Variants in EPC1 observed in about 807,000 individuals in gnomAD.
The protein encoded by EPC1 is enhancer of polycomb homolog 1.
In EPC1, 12 loss-of-function variants were observed where a neutral mutation model predicts 98.4. That is an observed-to-expected ratio of 0.12 (90% CI 0.08 to 0.20). EPC1 has a LOEUF of 0.20. Among genes scored for constraint, EPC1 ranks in the 10% least tolerant of loss-of-function variants. The pLI is 1.00. For synonymous variants in EPC1, 357 were observed against 363.9 expected, an observed-to-expected ratio of 0.98 and a Z score of 0.21; for missense variants, 729 against 990.5, an observed-to-expected ratio of 0.74 and a Z score of 3.54.
chr10:32,364,119 A>G (rs1839528547), intron 1 of EPC1, among the ~76,000 whole-genome samples: 1 of 138,670 alleles, frequency 7.2e-6, no homozygotes, highest in South Asian at 2.3e-4. Context: ...GGTTCAAGTG[A>G]TTCTCCTGTC....
At chr10:32,347,311 C>T (rs1838915580), upstream of EPC1, 1 of 588,150 alleles carries the variant, frequency 1.7e-6, no homozygotes, top group South Asian at 7.7e-5. Context: ...GCTTCCCGCG[C>T]CTCGCTGCTC....
intron 6 of EPC1, among the ~76,000 whole-genome samples, chr10:32,288,312 C>CTTTTTTTT (rs5784278): frequency 4.4e-4 from 55 of 124,040 alleles, no homozygotes; most frequent in African/African-American, 5.5e-4. Context: ...TTACTTTTTT[C>CTTTTTTTT]TTTTTTTTTT....
chr10:32,323,225 C>G (rs1201152534), intron 1 of EPC1, among the ~76,000 whole-genome samples: 4 of 152,172 alleles, frequency 2.6e-5, no homozygotes, highest in African/African-American at 4.8e-5. Context: ...TTCCTTTTCA[C>G]CGAGTCCCTA....
chr10:32,320,151 G>C (rs1836809350), intron 1 of EPC1, among the ~76,000 whole-genome samples: 1 of 151,428 alleles, frequency 6.6e-6, no homozygotes, highest in Non-Finnish European at 1.5e-5. Flanking sequence ...TCCCCTTCTT[G>C]CAACTTTTCT....
intron 6 of EPC1, among the ~76,000 whole-genome samples, chr10:32,288,505 T>G (rs1217297855): frequency 2.0e-5 from 3 of 151,840 alleles, no homozygotes; most frequent in Non-Finnish European, 2.9e-5. Flanking sequence ...TACAGCAATT[T>G]GCGCTCGCTA....
At chr10:32,310,070 C>G (rs1736792642) in intron 1 of EPC1, among the ~76,000 whole-genome samples, 1 of 152,116 alleles carries the variant, frequency 6.6e-6, no homozygotes, top group South Asian at 2.1e-4. Context: ...TAGTGCACAC[C>G]TGTAGTTTCA....
Position 32,347,102 on chromosome 10 carries a change from T to A in EPC1, c.-187A>T. The A allele has an allele frequency of 6.9e-7, 1 of 1,440,976 alleles. No individual in the cohort carries two copies. 89.3% of individuals were successfully genotyped at this position (1,440,976 alleles called of 1,614,324 possible). A position where few individuals can be genotyped will look rare whatever the true frequency, so the allele number is the denominator to read the frequency against. ...GAGGCTGTGCCGCTCCGCTCCTCTCTCGCTCGCTCTCTTCAATACGCCATG... is the reference window on the plus strand; with the variant it reads ...GAGGCTGTGCCGCTCCGCTCCTCTCACGCTCGCTCTCTTCAATACGCCATG... On this transcript the variant is annotated 5_prime_UTR_variant, in exon 1 of 14. Coordinates refer to ENST00000319778, the MANE Select transcript of EPC1 (RefSeq NM_001272004.3).
upstream of EPC1, among the ~76,000 whole-genome samples, chr10:32,349,415 A>G (rs1394532228): frequency 6.6e-6 from 1 of 152,186 alleles, no homozygotes; most frequent in Non-Finnish European, 1.5e-5. Flanking sequence ...TTACAGATTC[A>G]CTTGCCTTTT....
At chr10:32,349,135 TC>T (rs1365919866), upstream of EPC1, among the ~76,000 whole-genome samples, 1 of 152,122 alleles carries the variant, frequency 6.6e-6, no homozygotes, top group Non-Finnish European at 1.5e-5. Flanking sequence ...TGAATATTAT[TC>T]TGACAGCCCT....
chr10:32,302,535 A>C (rs889293355), intron 2 of EPC1, among the ~76,000 whole-genome samples: 1 of 151,920 alleles, frequency 6.6e-6, no homozygotes, highest in Non-Finnish European at 1.5e-5. Flanking sequence ...CAGTAGTCCC[A>C]GCTACTCGGG....
At chr10:32,354,403 A>C (rs969065987) in intron 1 of EPC1, among the ~76,000 whole-genome samples, 4 of 152,216 alleles carry the variant, frequency 2.6e-5, no homozygotes, top group Admixed American at 2.6e-4. Flanking sequence ...GAAGTGAGCC[A>C]AGATTGTGCC....
chr10:32,312,757 A>G (rs1836319506), intron 1 of EPC1, among the ~76,000 whole-genome samples: 1 of 152,240 alleles, frequency 6.6e-6, no homozygotes, highest in African/African-American at 2.4e-5. Flanking sequence ...CAGTTTTAAA[A>G]AACATTTTTA....
chr10:32,269,253 A>G (rs889832331), intron 13 of EPC1, 118 bp from the exon 14 acceptor site: 1 of 761,642 alleles, frequency 1.3e-6, no homozygotes. Context: ...ACTCTTTGGG[A>G]ACAAGCTAGC....
intron 1 of EPC1, among the ~76,000 whole-genome samples, chr10:32,322,933 T>C (rs555490915): frequency 1.1e-4 from 16 of 151,856 alleles, no homozygotes; most frequent in African/African-American, 3.9e-4. Context: ...AAAGAGACCA[T>C]TTTTTTTAAA....
At chr10:32,338,811 C>T (rs1452548398) in intron 1 of EPC1, among the ~76,000 whole-genome samples, 1 of 151,974 alleles carries the variant, frequency 6.6e-6, no homozygotes, top group Non-Finnish European at 1.5e-5. Context: ...TGGTGGCATC[C>T]TCCTGGAGTT....
chr10:32,344,976 C>T (rs969252507), intron 1 of EPC1: 1 of 236,162 alleles, frequency 4.2e-6, no homozygotes, highest in African/African-American at 2.3e-5. Flanking sequence ...TTGCTTTAAT[C>T]AAGGCTTTCC....
chr10:32,296,468 G>A (rs1428863285), intron 2 of EPC1, among the ~76,000 whole-genome samples: 1 of 152,026 alleles, frequency 6.6e-6, no homozygotes, highest in Non-Finnish European at 1.5e-5. Context: ...ACATATCAGG[G>A]GCTGCATCAA....
chr10:32,269,986 C>T (rs914786267), intron 13 of EPC1, among the ~76,000 whole-genome samples: 1 of 152,220 alleles, frequency 6.6e-6, no homozygotes, highest in African/African-American at 2.4e-5. Context: ...ATTTAAACTA[C>T]TAACCTTCCT....
chr10:32,335,873 C>G (rs1194688084), intron 1 of EPC1, among the ~76,000 whole-genome samples: 1 of 152,040 alleles, frequency 6.6e-6, no homozygotes, highest in Non-Finnish European at 1.5e-5. Flanking sequence ...TCAAGCGTGT[C>G]CCTCTTTAGC....
Sources: allele counts gnomAD v4.1 joint callset (sites outside exome capture counted in the v4.1 genomes callset), GRCh38; gene constraint gnomAD v4.1.1; transcripts MANE v1.5; gene names NCBI Gene and HGNC (gene_info 2026-07-23, HGNC 2026-07-21).